NR3C2: variants seen among roughly 807,000 people sequenced by gnomAD.
The protein encoded by NR3C2 is mineralocorticoid receptor.
Under a neutral mutation model 86.4 loss-of-function variants are expected in NR3C2, and 15 were observed. The observed-to-expected ratio is 0.17, with a 90% CI of 0.12 to 0.27. NR3C2 has a LOEUF of 0.27. Among genes scored for constraint, NR3C2 ranks in the 10% least tolerant of loss-of-function variants. The probability of loss-of-function intolerance (pLI) is 1.00; values close to 1 mark genes in which losing one functional copy is unlikely to be tolerated. For missense variants in NR3C2, 960 were observed against 1,195.6 expected, an observed-to-expected ratio of 0.80 and a Z score of 2.91; for synonymous variants, 458 against 450.5, an observed-to-expected ratio of 1.02 and a Z score of -0.21.
intron 2 of NR3C2, among the ~76,000 whole-genome samples, chr4:148,295,636 C>G (rs1355619488): frequency 6.6e-6 from 1 of 151,166 alleles, no homozygotes; most frequent in Non-Finnish European, 1.5e-5. Flanking sequence ...TTCCAAGATA[C>G]CTGAGCTCAT....
At chr4:148,288,070 T>C (rs917804510) in intron 2 of NR3C2, among the ~76,000 whole-genome samples, 2 of 152,178 alleles carry the variant, frequency 1.3e-5, no homozygotes, top group Admixed American at 6.5e-5. Flanking sequence ...AAACAGCACA[T>C]AGAAAATTAA....
intron 6 of NR3C2, among the ~76,000 whole-genome samples, chr4:148,135,288 G>A (rs945114831): frequency 1.3e-5 from 2 of 152,160 alleles, no homozygotes; most frequent in Non-Finnish European, 2.9e-5. Context: ...AGGAGATCAA[G>A]TAGTAAGAGC....
intron 3 of NR3C2, among the ~76,000 whole-genome samples, chr4:148,259,590 C>T (rs924138691): frequency 6.6e-6 from 1 of 152,204 alleles, no homozygotes; most frequent in African/African-American, 2.4e-5. Context: ...TAATTTGCCA[C>T]AAACACATAT....
chr4:148,340,857 G>A lies in NR3C2; in HGVS notation c.1758-80740C>T, dbSNP rs202093645. Among the ~76,000 whole-genome samples the A allele has an allele frequency of 1.1e-4, 16 of 152,176 alleles. No homozygotes were observed. The East Asian group carries it at 3.1e-3, about 29-fold the overall frequency. On this transcript the variant is annotated intron_variant, in intron 2 of 8. Transcript: ENST00000358102. ...CAGGAGACATGGCCAACCAAAAGGT[G>A]TATGAAAAATACTCAACATCATGTA...
upstream of NR3C2, chr4:148,442,500 A>C: frequency 3.3e-6 from 1 of 298,970 alleles, no homozygotes; most frequent in Non-Finnish European, 4.9e-6. Context: ...GGAGTGGGCC[A>C]GCTGGAGGGC....
At chr4:148,444,260 G>C (rs527576489), upstream of NR3C2, 6 of 985,408 alleles carry the variant, frequency 6.1e-6, no homozygotes, top group East Asian at 5.7e-4. Flanking sequence ...CCTTTGAGGA[G>C]GGCCGGTCTT....
intron 1 of NR3C2, among the ~76,000 whole-genome samples, chr4:148,439,426 C>T (rs776276510): frequency 6.6e-6 from 1 of 152,144 alleles, no homozygotes; most frequent in African/African-American, 2.4e-5. Flanking sequence ...GCAAACTGCA[C>T]CACCATCTAA....
chr4:148,154,604 C>A lies in NR3C2; in HGVS notation c.2312G>T (p.Arg771Leu). The change falls in exon 5 of 9, where the codon CGC becomes CTC. Residue 771 changes from arginine (R) to leucine (L), a missense_variant. Arg to Leu is a moderately radical substitution (Grantham distance 102, BLOSUM62 -2). Transcript: ENST00000358102. ...TTGGATCATCTGTTTGCCTGCTAAG[C>A]GGTTGAGCGTGGAGAGCAGATTTTC... ...TAENLLSTLN[R>L]LAGKQMIQVV... The A allele has an allele frequency of 6.2e-7, 1 of 1,614,124 alleles. No individual in the cohort carries two copies. The highest frequency in any genetic ancestry group is 1.3e-5 in the African/African-American group (1 of 75,016).
intron 2 of NR3C2, among the ~76,000 whole-genome samples, chr4:148,283,415 TAAAG>T (rs1369887190): frequency 2.0e-5 from 3 of 152,200 alleles, no homozygotes; most frequent in African/African-American, 7.2e-5. Context: ...TTTATTTTCA[TAAAG>T]AACCTATTGA....
rs73855934 is a variant in NR3C2 at position 148,223,153 on chromosome 4, C to T, written c.1898-28291G>A. On this transcript the variant is annotated intron_variant, in intron 3 of 8. Transcript: ENST00000358102. ...CCACTTTCCAACCTTACCACCTACT[C>T]GGCCCTACACTGACACTCCCCTTCA... Among the ~76,000 whole-genome samples, 860 of 152,178 alleles carry T rather than the reference C, an allele frequency of 5.7e-3. 5 individuals carry two copies. The highest frequency in any genetic ancestry group is 0.019 in the African/African-American group (786 of 41,522).
chr4:148,134,280 A>G (rs1351069812), intron 6 of NR3C2, among the ~76,000 whole-genome samples: 1 of 152,230 alleles, frequency 6.6e-6, no homozygotes, highest in African/African-American at 2.4e-5. Flanking sequence ...CCAGGCCACT[A>G]TACCACCAGT....
At chr4:148,288,344 T>C (rs974368153) in intron 2 of NR3C2, among the ~76,000 whole-genome samples, 6 of 152,234 alleles carry the variant, frequency 3.9e-5, no homozygotes, top group African/African-American at 1.4e-4. Flanking sequence ...CACTCATAAT[T>C]CATTTCTAAA....
At chr4:148,261,053 T>C (rs912428425) in intron 2 of NR3C2, among the ~76,000 whole-genome samples, 1 of 152,192 alleles carries the variant, frequency 6.6e-6, no homozygotes, top group African/African-American at 2.4e-5. Flanking sequence ...CTGTGCAAGA[T>C]ACCAAGAGAA....
intron 2 of NR3C2, among the ~76,000 whole-genome samples, chr4:148,305,914 C>T (rs1742592400): frequency 6.6e-6 from 1 of 152,182 alleles, no homozygotes. Context: ...TAAGCAGCTG[C>T]TCCCAGAGTT....
intron 2 of NR3C2, among the ~76,000 whole-genome samples, chr4:148,396,028 T>C (rs1035828677): frequency 3.3e-5 from 5 of 152,178 alleles, no homozygotes; most frequent in African/African-American, 9.6e-5. Context: ...AAATAAACCA[T>C]AGTGTGATCA....
At chr4:148,408,802 T>C (rs1748548051) in intron 2 of NR3C2, among the ~76,000 whole-genome samples, 1 of 152,192 alleles carries the variant, frequency 6.6e-6, no homozygotes, top group South Asian at 2.1e-4. Context: ...TATTAATACA[T>C]TTAAGACTGT....
intron 4 of NR3C2, among the ~76,000 whole-genome samples, chr4:148,192,753 G>C (rs1736257940): frequency 6.6e-6 from 1 of 152,038 alleles, no homozygotes; most frequent in Admixed American, 6.5e-5. Flanking sequence ...GGTTTTCAAG[G>C]AAGTGGGGGA....
intron 6 of NR3C2, among the ~76,000 whole-genome samples, chr4:148,136,056 CAAAAAA>C (rs199716496): frequency 1.4e-5 from 1 of 71,182 alleles, no homozygotes; most frequent in Admixed American, 1.4e-4. Context: ...GACTCCGTCT[CAAAAAA>C]AAAAAAAAAA....
chr4:148,373,473 T>C (rs1157399730), intron 2 of NR3C2, among the ~76,000 whole-genome samples: 1 of 135,614 alleles, frequency 7.4e-6, no homozygotes, highest in African/African-American at 3.0e-5. Flanking sequence ...AGGATGACTT[T>C]TTTTTTCTTT....
Sources: allele counts gnomAD v4.1 joint callset (sites outside exome capture counted in the v4.1 genomes callset), GRCh38; gene constraint gnomAD v4.1.1; transcripts MANE v1.5; gene names NCBI Gene and HGNC (gene_info 2026-07-23, HGNC 2026-07-21).